SDC1: variants seen among roughly 807,000 people sequenced by gnomAD.
SDC1 encodes syndecan 1, also known as syndecan-1.
In SDC1, 14 loss-of-function variants were observed where a neutral mutation model predicts 29.7. The ratio of observed to expected loss-of-function variants is 0.47; its 90% CI spans 0.31 to 0.74. The LOEUF (loss-of-function observed/expected upper bound fraction) is 0.74, where lower values mean the gene tolerates loss of function less well. Ranked by LOEUF, SDC1 falls within the 30% of genes least tolerant of loss-of-function variation. The pLI is 0.05. For synonymous variants in SDC1, 204 were observed against 175.5 expected, an observed-to-expected ratio of 1.16 and a Z score of -1.29; for missense variants, 406 against 400.3, an observed-to-expected ratio of 1.01 and a Z score of -0.12.
rs1398841148 is a variant in SDC1, at chr2:20,224,750, G to A, written c.66+52C>T. ...CGTGCACCCGCCGGCATCCGCGGGT[G>A]ACCAGTCCCGGCTTCCCGCCGCCTC... On this transcript the variant is annotated intron_variant, in intron 1 of 4. Transcript: ENST00000254351. This position sits in a 1 kb window ranked among gnomAD's most constrained non-coding sequence, Gnocchi z 4.9. The A allele has an allele frequency of 7.8e-7, 1 of 1,284,330 alleles. No homozygotes were observed. The highest frequency in any genetic ancestry group is 2.3e-5 in the South Asian group (1 of 43,198). 79.6% of individuals were successfully genotyped at this position (1,284,330 alleles called of 1,614,324 possible). A position where few individuals can be genotyped will look rare whatever the true frequency, so the allele number is the denominator to read the frequency against.
Position 20,202,771 on chromosome 2 carries a change from C to G in SDC1, c.928G>C (p.Ala310Pro), listed in dbSNP as rs774301421. ...QKPTKQEEFY[A>P] ...GGGGGCGCATGGCTCCCGCGTCAGG[C>G]ATAGAATTCCTCCTGTTTGGTGGGC... Residue 310 changes from alanine (A) to proline (P), a missense_variant, in exon 5 of 5, where the codon GCC (alanine) becomes CCC (proline). Physicochemically the swap from Ala to Pro is conservative, Grantham distance 27. Coordinates refer to ENST00000254351, the MANE Select transcript of SDC1 (RefSeq NM_002997.5). 6.2e-7 allele frequency: 1 copy of G among 1,604,908 alleles called. No individual in the cohort carries two copies. Among genetic ancestry groups the G allele is most frequent in the Non-Finnish European group, 8.5e-7 (1 of 1,175,300 alleles).
At chr2:20,212,989 C>T (rs541881997) in intron 1 of SDC1, among the ~76,000 whole-genome samples, 134 of 152,296 alleles carry the variant, frequency 8.8e-4, no homozygotes, top group Middle Eastern at 3.4e-3. Flanking sequence ...AGCCTGAGGT[C>T]AAGGTCGCAG....
In SDC1 at chr2:20,202,925, G is replaced by A. The variant is rs368621540; in HGVS notation, c.774C>T (p.Ala258=). 65 of 1,611,304 alleles carry A rather than the reference G, an allele frequency of 4.0e-5. No homozygotes were observed. The highest frequency in any genetic ancestry group is 5.3e-5 in the African/African-American group (4 of 74,984). Residue 258 remains alanine, a synonymous_variant, in exon 5 of 5, where the codon GCC becomes GCT. Coordinates refer to ENST00000254351, the MANE Select transcript of SDC1 (RefSeq NM_002997.5). ...CAAAGATGAGCCCCACGAGGCCTCC[G>A]GCAATGACCCCTAGGGCAGGTAGAC... ...DRKEVLGGVI[A]GGLVGLIFAV...
intron 1 of SDC1, among the ~76,000 whole-genome samples, chr2:20,217,921 A>T (rs1677683826): frequency 6.6e-6 from 1 of 151,712 alleles, no homozygotes; most frequent in Non-Finnish European, 1.5e-5. Flanking sequence ...ACCTCTGTCC[A>T]CTCCAGCTCC....
In SDC1 at chr2:20,203,134, G is replaced by T; in HGVS notation, c.716C>A (p.Ala239Asp). Residue 239 changes from alanine to aspartate, a missense_variant, in exon 4 of 5, where the codon GCC becomes GAC. By Grantham distance (126) the Ala-to-Asp change is moderately radical (BLOSUM62 -2). Coordinates refer to ENST00000254351, the MANE Select transcript of SDC1 (RefSeq NM_002997.5). ...CAGGAGGCCCTGTGAGGCCCCCGTG[G>T]CCCCCTGATCCACTGGGGACTGGTT... ...RRNQSPVDQGATGASQGLLDR... is the reference protein window; with the variant it reads ...RRNQSPVDQGDTGASQGLLDR... 1 of 1,612,140 alleles carries T rather than the reference G, an allele frequency of 6.2e-7. No individual in the cohort carries two copies. The highest frequency in any genetic ancestry group is 8.5e-7 in the Non-Finnish European group (1 of 1,178,742).
At chr2:20,203,265 C>T in intron 3 of SDC1, 43 bp from the exon 4 acceptor site, 1 of 1,564,540 alleles carries the variant, frequency 6.4e-7, no homozygotes, top group Non-Finnish European at 8.7e-7. Context: ...AGGTCACCGC[C>T]AGCAGCAGCA....
rs146257745 is a variant in SDC1 at position 20,202,865 on chromosome 2, C to T, written c.834G>A (p.Met278Ile). Residue 278 changes from methionine (M) to isoleucine (I), a missense_variant, in exon 5 of 5, where the codon ATG becomes ATA. By Grantham distance (10) the Met-to-Ile change is conservative (BLOSUM62 1). Transcript: ENST00000254351. ...AGTAGCTGCCTTCGTCCTTCTTCTTCATGCGGTACAGCATGAAACCCACCA... is the reference window on the plus strand; with the variant it reads ...AGTAGCTGCCTTCGTCCTTCTTCTTTATGCGGTACAGCATGAAACCCACCA... ...VCLVGFMLYR[M>I]KKKDEGSYSL... 25 of 1,613,870 alleles carry T rather than the reference C, an allele frequency of 1.5e-5. No individual in the cohort carries two copies. The African/African-American group carries it at 3.3e-4, about 22-fold the overall frequency.
intron 4 of SDC1, 25 bp downstream of exon 4, chr2:20,203,062 A>T (rs1677087998): frequency 6.3e-7 from 1 of 1,583,546 alleles, no homozygotes; most frequent in African/African-American, 1.3e-5. Flanking sequence ...TTCACCCCAA[A>T]CTACCCCCCT....
At chr2:20,210,061 A>T (rs572925787) in intron 1 of SDC1, among the ~76,000 whole-genome samples, 1 of 152,340 alleles carries the variant, frequency 6.6e-6, no homozygotes, top group Non-Finnish European at 1.5e-5. Flanking sequence ...AAGCATTACT[A>T]CTAGGCGCGG....
chr2:20,205,664 G>A (rs1440072207), intron 1 of SDC1, among the ~76,000 whole-genome samples: 1 of 152,076 alleles, frequency 6.6e-6, no homozygotes, highest in African/African-American at 2.4e-5. Context: ...GGGCACAACA[G>A]AGTAGGCAGG....
At chr2:20,217,877 T>C (rs1677682635) in intron 1 of SDC1, among the ~76,000 whole-genome samples, 1 of 152,110 alleles carries the variant, frequency 6.6e-6, no homozygotes, top group African/African-American at 2.4e-5. Flanking sequence ...GAGAACATCA[T>C]ACAGCCCCAG....
chr2:20,220,008 C>T (rs1003769663), intron 1 of SDC1, among the ~76,000 whole-genome samples: 5 of 152,252 alleles, frequency 3.3e-5, no homozygotes, highest in African/African-American at 7.2e-5. Context: ...GCAAGCTGGG[C>T]ACCACCTGGG....
chr2:20,209,349 C>T lies in SDC1; in HGVS notation c.67-3925G>A, dbSNP rs1574263. On this transcript the variant is annotated intron_variant, in intron 1 of 4. Transcript: ENST00000254351. ...AGGCCGCCCAGACACTACAACTCCC[C>T]GTGCAGCAGCACTGCTCTCCTCACC... 1.2e-3 allele frequency among the ~76,000 whole-genome samples: 180 copies of T among 152,286 alleles called. 3 individuals carry two copies. In the East Asian group the frequency reaches 0.03, roughly 25 times the overall value.
chr2:20,205,028 T>C (rs911472471), intron 2 of SDC1, among the ~76,000 whole-genome samples: 3 of 152,244 alleles, frequency 2.0e-5, no homozygotes, highest in African/African-American at 7.2e-5. Flanking sequence ...AATAACCTTC[T>C]GAAGGGGGTT....
At chr2:20,219,675 A>G (rs1352189556) in intron 1 of SDC1, among the ~76,000 whole-genome samples, 1 of 152,188 alleles carries the variant, frequency 6.6e-6, no homozygotes, top group African/African-American at 2.4e-5. Context: ...GGATCCCAGC[A>G]CCAAAGCCCT....
chr2:20,212,554 C>A (rs1478689842), intron 1 of SDC1, among the ~76,000 whole-genome samples: 1 of 152,240 alleles, frequency 6.6e-6, no homozygotes, highest in Non-Finnish European at 1.5e-5. Context: ...AAATCCCCCA[C>A]TGAAGCCATT....
chr2:20,218,756 T>A (rs1677717104), intron 1 of SDC1, among the ~76,000 whole-genome samples: 1 of 146,414 alleles, frequency 6.8e-6, no homozygotes, highest in South Asian at 2.2e-4. Flanking sequence ...GACACACAGA[T>A]GCATGGACAC....
In SDC1 at chr2:20,222,989, C is replaced by T. The variant is rs75348207; in HGVS notation, c.66+1813G>A. On this transcript the variant is annotated intron_variant, in intron 1 of 4. Coordinates refer to ENST00000254351, the MANE Select transcript of SDC1 (RefSeq NM_002997.5). ...CCAGCTCCATTCTCTTCTCCAAACT[C>T]GGAGCGAAGACTCCAAGCACAGTCT... 7.4e-3 allele frequency among the ~76,000 whole-genome samples: 1,121 copies of T among 152,280 alleles called. 16 individuals are homozygous for T. Among genetic ancestry groups the T allele is most frequent in the African/African-American group, 0.025 (1,023 of 41,546 alleles).
At chr2:20,208,802 G>A (rs1677368779) in intron 1 of SDC1, among the ~76,000 whole-genome samples, 1 of 152,214 alleles carries the variant, frequency 6.6e-6, no homozygotes, top group Non-Finnish European at 1.5e-5. Flanking sequence ...GCCCAGGAAG[G>A]CAACAGGCTA....
Sources: gnomAD v4.1 joint callset for allele counts (sites outside exome capture counted in the v4.1 genomes callset) on GRCh38, gnomAD v4.1.1 for gene constraint, Gnocchi (gnomAD v3.1) non-coding constraint, MANE v1.5 for transcripts, NCBI Gene and HGNC (gene_info 2026-07-23, HGNC 2026-07-21) for gene names.